Variants in FSTL5 observed in about 807,000 individuals in gnomAD.
FSTL5 encodes the protein follistatin-related protein 5.
FSTL5 carries 62 observed loss-of-function variants against 89.1 expected under a neutral mutation model. The ratio of observed to expected loss-of-function variants is 0.70; its 90% CI spans 0.57 to 0.86. FSTL5 has a LOEUF of 0.86. Among genes scored for constraint, FSTL5 ranks in the 40% least tolerant of loss-of-function variants. The pLI is 0.00. For missense variants in FSTL5, 1,057 were observed against 1,001.6 expected (o/e 1.06, Z -0.75); for synonymous variants, 383 against 346.2 (o/e 1.11, Z -1.18).
chr4:161,515,755 G>A (rs1259461480), intron 10 of FSTL5, among the ~76,000 whole-genome samples: 3 of 151,662 alleles, frequency 2.0e-5, no homozygotes, highest in African/African-American at 7.3e-5. Context: ...GCTAGCATAA[G>A]TAATAGAAGC....
At chr4:162,027,517 T>C (rs980451187) in intron 3 of FSTL5, among the ~76,000 whole-genome samples, 82 of 152,242 alleles carry the variant, frequency 5.4e-4, no homozygotes, top group African/African-American at 1.6e-3. Flanking sequence ...CGTTTTACTA[T>C]TTTTATTTCA....
At chr4:161,934,976 C>T (rs997471109) in intron 3 of FSTL5, among the ~76,000 whole-genome samples, 2 of 152,142 alleles carry the variant, frequency 1.3e-5, no homozygotes, top group Admixed American at 1.3e-4. Context: ...ACAAACTCTA[C>T]TTAAACCTAG....
intron 3 of FSTL5, among the ~76,000 whole-genome samples, chr4:161,939,607 G>T (rs2110919278): frequency 6.6e-6 from 1 of 151,942 alleles, no homozygotes; most frequent in East Asian, 1.9e-4. Context: ...ATAATGAGAA[G>T]GACTGTAGAG....
At chr4:161,896,481 C>T (rs907862588) in intron 4 of FSTL5, among the ~76,000 whole-genome samples, 1 of 152,108 alleles carries the variant, frequency 6.6e-6, no homozygotes, top group African/African-American at 2.4e-5. Flanking sequence ...ACACACACCC[C>T]TACATTAGAT....
intron 1 of FSTL5, among the ~76,000 whole-genome samples, chr4:162,125,304 A>G (rs1366019242): frequency 6.6e-6 from 1 of 152,158 alleles, no homozygotes; most frequent in African/African-American, 2.4e-5. Context: ...GAGAAAAACT[A>G]CCTTTGCAGT....
Position 161,657,666 on chromosome 4 carries a change from G to A in FSTL5, c.728-1172C>T, listed in dbSNP as rs115541679. On this transcript the variant is annotated intron_variant, in intron 6 of 15. Coordinates refer to ENST00000306100, the MANE Select transcript of FSTL5 (RefSeq NM_020116.5). Reference sequence around the variant, plus strand: ...CTTCCCCTTGAGATGCTAAACAAGTGAGTTTTATAGAATGCAAATATCCAA... The same window carrying A: ...CTTCCCCTTGAGATGCTAAACAAGTAAGTTTTATAGAATGCAAATATCCAA... Among the ~76,000 whole-genome samples, 711 of 152,234 alleles carry A rather than the reference G, an allele frequency of 4.7e-3. 10 individuals carry two copies. The highest frequency in any genetic ancestry group is 0.016 in the African/African-American group (677 of 41,536).
intron 4 of FSTL5, among the ~76,000 whole-genome samples, chr4:161,797,960 A>G (rs958538188): frequency 6.6e-6 from 1 of 151,798 alleles, no homozygotes; most frequent in Non-Finnish European, 1.5e-5. Context: ...AAACATTTAC[A>G]TCATGGAAAG....
At chr4:161,763,502 T>C (rs531091834) in intron 5 of FSTL5, among the ~76,000 whole-genome samples, 9 of 152,208 alleles carry the variant, frequency 5.9e-5, no homozygotes, top group South Asian at 4.1e-4. Context: ...ATTTTGATAA[T>C]GTGAAGGCAA....
intron 6 of FSTL5, among the ~76,000 whole-genome samples, chr4:161,750,030 C>G (rs1740343139): frequency 6.6e-6 from 1 of 151,988 alleles, no homozygotes; most frequent in Non-Finnish European, 1.5e-5. Flanking sequence ...TTTGATGTAA[C>G]TCTTTCTAAA....
At chr4:161,399,972 A>T (rs546295925) in intron 15 of FSTL5, among the ~76,000 whole-genome samples, 1 of 152,146 alleles carries the variant, frequency 6.6e-6, no homozygotes, top group African/African-American at 2.4e-5. Context: ...GATAAATGTT[A>T]ACTTCTTATA....
At chr4:161,587,068 TG>T (rs1244304355) in intron 8 of FSTL5, among the ~76,000 whole-genome samples, 1 of 152,068 alleles carries the variant, frequency 6.6e-6, no homozygotes, top group Non-Finnish European at 1.5e-5. Flanking sequence ...GTATAAAACT[TG>T]CTATACATGA....
At chr4:161,986,218 G>A (rs567237429) in intron 3 of FSTL5, among the ~76,000 whole-genome samples, 1 of 151,970 alleles carries the variant, frequency 6.6e-6, no homozygotes, top group Non-Finnish European at 1.5e-5. Context: ...ACTCACTGAA[G>A]AACATGGTAT....
At chr4:161,875,524 T>C (rs143355162) in intron 4 of FSTL5, among the ~76,000 whole-genome samples, 7 of 152,246 alleles carry the variant, frequency 4.6e-5, no homozygotes, top group East Asian at 3.9e-4. Context: ...AAGTGGCCAA[T>C]GGGAAACCTC....
At chr4:161,716,256 CTT>C (rs1288371258) in intron 6 of FSTL5, among the ~76,000 whole-genome samples, 1 of 152,160 alleles carries the variant, frequency 6.6e-6, no homozygotes, top group African/African-American at 2.4e-5. Flanking sequence ...ATTCAACTCT[CTT>C]GTTTGTCTCC....
intron 2 of FSTL5, among the ~76,000 whole-genome samples, chr4:162,073,865 C>T (rs763586038): frequency 1.3e-5 from 2 of 151,656 alleles, no homozygotes; most frequent in South Asian, 2.1e-4. Flanking sequence ...CAGATGCTGT[C>T]GTTAACATCC....
At chr4:161,899,201 T>C (rs2110784966) in intron 4 of FSTL5, among the ~76,000 whole-genome samples, 1 of 152,208 alleles carries the variant, frequency 6.6e-6, no homozygotes, top group African/African-American at 2.4e-5. Flanking sequence ...GTTTTTCCAC[T>C]AGACAGAGAC....
chr4:162,045,989 A>C (rs1437734789), intron 2 of FSTL5, among the ~76,000 whole-genome samples: 1 of 152,126 alleles, frequency 6.6e-6, no homozygotes, highest in Admixed American at 6.6e-5. Flanking sequence ...ACACATTCTA[A>C]CTAACTCACT....
chr4:161,916,600 G>A (rs1170473640), intron 4 of FSTL5, among the ~76,000 whole-genome samples: 3 of 152,056 alleles, frequency 2.0e-5, no homozygotes, highest in Admixed American at 6.6e-5. Flanking sequence ...TTCTATATCC[G>A]ATTATAGCCT....
At chr4:161,461,214 C>A (rs1161027611) in intron 13 of FSTL5, among the ~76,000 whole-genome samples, 1 of 149,514 alleles carries the variant, frequency 6.7e-6, no homozygotes, top group Non-Finnish European at 1.5e-5. Flanking sequence ...CCCAGCACTT[C>A]AGGAGGCTGA....
Sources: gnomAD v4.1 joint callset for allele counts (sites outside exome capture counted in the v4.1 genomes callset) on GRCh38, gnomAD v4.1.1 for gene constraint, MANE v1.5 for transcripts, NCBI Gene and HGNC (gene_info 2026-07-23, HGNC 2026-07-21) for gene names.